Variants in EPB41L4B observed in about 807,000 individuals in gnomAD.
The protein encoded by EPB41L4B is erythrocyte membrane protein band 4.1 like 4B, also known as band 4.1-like protein 4B.
A neutral mutation model predicts 112.5 loss-of-function variants in EPB41L4B; 30 were observed. The ratio of observed to expected loss-of-function variants is 0.27; its 90% confidence interval spans 0.20 to 0.36. The LOEUF (loss-of-function observed/expected upper bound fraction) is 0.36, where lower values mean the gene tolerates loss of function less well. EPB41L4B is among the 10% of genes least tolerant of loss of function. The pLI is 1.00. For missense variants in EPB41L4B, 1,024 were observed against 1,133.3 expected (o/e 0.90, Z 1.38); for synonymous variants, 408 against 439.7 (o/e 0.93, Z 0.90).
chr9:109,319,044 C>T (rs193048829), intron 1 of EPB41L4B, among the ~76,000 whole-genome samples: 1 of 152,334 alleles, frequency 6.6e-6, no homozygotes, highest in African/African-American at 2.4e-5. Flanking sequence ...TATTTCTTCC[C>T]TTGACATCCT....
rs998106960 is a variant in EPB41L4B at position 109,308,207 on chromosome 9, G to A, written c.306+11934C>T. Among the ~76,000 whole-genome samples, 113 of 152,052 alleles carry A rather than the reference G, an allele frequency of 7.4e-4. 7 individuals carry two copies. Among genetic ancestry groups the A allele is most frequent in the Non-Finnish European group, 1.5e-5 (1 of 68,036 alleles). On this transcript the variant is annotated intron_variant, in intron 1 of 25. Coordinates refer to ENST00000374566, the MANE Select transcript of EPB41L4B (RefSeq NM_019114.5). ...GAGTATGTGAAGGGGACCCAAGCAG[G>A]AGTGAGCTAGAGGGAGGAAGAACCC...
intron 23 of EPB41L4B, among the ~76,000 whole-genome samples, chr9:109,183,571 T>G (rs1209620310): frequency 6.6e-6 from 1 of 152,194 alleles, no homozygotes; most frequent in Non-Finnish European, 1.5e-5. Flanking sequence ...CCTGGAGAAC[T>G]TGGGAAATGG....
intron 1 of EPB41L4B, among the ~76,000 whole-genome samples, chr9:109,283,510 C>T (rs889300765): frequency 2.6e-5 from 4 of 151,960 alleles, no homozygotes; most frequent in African/African-American, 9.7e-5. Context: ...ATCTCTCCAC[C>T]ACAGGGACGC....
intron 15 of EPB41L4B, among the ~76,000 whole-genome samples, chr9:109,232,532 A>T (rs1033021005): frequency 6.6e-6 from 1 of 152,178 alleles, no homozygotes; most frequent in Non-Finnish European, 1.5e-5. Flanking sequence ...ATTCTTTGTC[A>T]TCCTGTGCAC....
chr9:109,224,188 A>G (rs1833685785), intron 15 of EPB41L4B, among the ~76,000 whole-genome samples: 1 of 152,230 alleles, frequency 6.6e-6, no homozygotes, highest in South Asian at 2.1e-4. Flanking sequence ...GCCCACTTCT[A>G]GTATATGCCC....
At chr9:109,212,469 GA>G (rs368155729) in intron 17 of EPB41L4B, among the ~76,000 whole-genome samples, 2,245 of 151,250 alleles carry the variant, frequency 0.015, 33 homozygotes, top group African/African-American at 0.046. Flanking sequence ...GGGAGGTATA[GA>G]AAAAAAAAGT....
intron 12 of EPB41L4B, among the ~76,000 whole-genome samples, chr9:109,251,841 A>G (rs1834798824): frequency 6.6e-6 from 1 of 152,220 alleles, no homozygotes; most frequent in African/African-American, 2.4e-5. Flanking sequence ...AAGGGAAAAC[A>G]GCACACGGTG....
chr9:109,280,010 A>T, intron 1 of EPB41L4B, 89 bp from the exon 2 acceptor site: 1 of 914,814 alleles, frequency 1.1e-6, no homozygotes, highest in Admixed American at 2.6e-5. Context: ...TCTCTTTGTA[A>T]ATTGCATACA....
rs111594054 is a variant in EPB41L4B, at chr9:109,274,045, A to G, written c.412-5612T>C. Among the ~76,000 whole-genome samples the G allele has an allele frequency of 3.7e-3, 569 of 152,210 alleles. 2 individuals carry two copies. Among genetic ancestry groups the G allele is most frequent in the Non-Finnish European group, 7.0e-3 (475 of 67,992 alleles). Reference sequence around the variant, plus strand: ...ATTGAACCCTCCCAGCAGGCGCCATATCTATGTACCAACCTCACTATGCAG... The same window carrying G: ...ATTGAACCCTCCCAGCAGGCGCCATGTCTATGTACCAACCTCACTATGCAG... On this transcript the variant is annotated intron_variant, in intron 2 of 25. Transcript: ENST00000374566.
chr9:109,314,930 G>C (rs1363171562), intron 1 of EPB41L4B, among the ~76,000 whole-genome samples: 2 of 152,162 alleles, frequency 1.3e-5, no homozygotes, highest in Non-Finnish European at 2.9e-5. Context: ...CCAACCAAGA[G>C]TGAAGACAGC....
At chr9:109,211,100 T>C (rs193199636) in intron 17 of EPB41L4B, among the ~76,000 whole-genome samples, 2 of 152,260 alleles carry the variant, frequency 1.3e-5, no homozygotes, top group East Asian at 3.9e-4. Context: ...ACAGTGAAAA[T>C]GACATCTCAC....
chr9:109,210,574 T>C (rs1480066623), intron 17 of EPB41L4B, among the ~76,000 whole-genome samples: 2 of 152,236 alleles, frequency 1.3e-5, no homozygotes, highest in Admixed American at 6.5e-5. Context: ...CTAAACTGCT[T>C]TTTTGGACAT....
intron 15 of EPB41L4B, among the ~76,000 whole-genome samples, chr9:109,231,291 C>G (rs889274063): frequency 5.3e-5 from 8 of 151,852 alleles, no homozygotes; most frequent in Non-Finnish European, 1.2e-4. Flanking sequence ...GCAAGCAATT[C>G]TGATGCTAGC....
At chr9:109,196,718 GAA>G (rs34024676) in intron 20 of EPB41L4B, among the ~76,000 whole-genome samples, 987 of 84,622 alleles carry the variant, frequency 0.012, 20 homozygotes, top group African/African-American at 0.035. Flanking sequence ...CCTTGTCTCC[GAA>G]AAAAAAAAAA....
Position 109,320,913 on chromosome 9 carries a change from C to T in EPB41L4B, c.-467G>A, listed in dbSNP as rs1837852718. The stretch of plus-strand genomic sequence containing the variant: ...GCTCGCTCCCACTCGCCGCGCCGCG[C>T]CCGGGGCCCGAGGAGGCCCCGCCGA... On this transcript the variant is annotated 5_prime_UTR_variant, in exon 1 of 26. Transcript: ENST00000374566. 1 of 153,294 alleles carries T rather than the reference C, an allele frequency of 6.5e-6. No homozygotes were observed. The highest frequency in any genetic ancestry group is 1.4e-5 in the Non-Finnish European group (1 of 70,060). The allele number at this position is 153,294 out of a possible 1,614,324, so 9.5% of individuals were successfully genotyped here. A position where few individuals can be genotyped will look rare whatever the true frequency, so the allele number is the denominator to read the frequency against.
intron 23 of EPB41L4B, among the ~76,000 whole-genome samples, chr9:109,183,985 C>T (rs1343907214): frequency 6.6e-6 from 1 of 152,252 alleles, no homozygotes; most frequent in African/African-American, 2.4e-5. Flanking sequence ...CAGCCCAAGC[C>T]TGCTCCCCTT....
chr9:109,263,717 T>C (rs921096340), intron 5 of EPB41L4B, among the ~76,000 whole-genome samples: 3 of 152,240 alleles, frequency 2.0e-5, no homozygotes, highest in African/African-American at 7.2e-5. Context: ...CCTTTTCATT[T>C]ATATTATCCA....
intron 1 of EPB41L4B, among the ~76,000 whole-genome samples, chr9:109,283,180 T>G (rs915705973): frequency 6.6e-6 from 1 of 152,198 alleles, no homozygotes; most frequent in African/African-American, 2.4e-5. Context: ...GGGTAATTGT[T>G]GATCTTCTGG....
chr9:109,199,310 G>A (rs1832745760), intron 20 of EPB41L4B, among the ~76,000 whole-genome samples: 1 of 152,140 alleles, frequency 6.6e-6, no homozygotes, highest in African/African-American at 2.4e-5. Flanking sequence ...TCATGCCCCT[G>A]TGTAATCTCT....
Sources: gnomAD v4.1 joint callset for allele counts (sites outside exome capture counted in the v4.1 genomes callset) on GRCh38, gnomAD v4.1.1 for gene constraint, MANE v1.5 for transcripts, NCBI Gene and HGNC (gene_info 2026-07-23, HGNC 2026-07-21) for gene names.